The following CCDC157 variants were observed in gnomAD, a reference collection of about 807,000 sequenced individuals.
The protein encoded by CCDC157 is coiled-coil domain-containing protein 157.
CCDC157 carries 60 observed loss-of-function variants against 70.9 expected under a neutral mutation model. The ratio of observed to expected loss-of-function variants is 0.85; its 90% CI spans 0.69 to 1.05. The LOEUF (loss-of-function observed/expected upper bound fraction) is 1.05. CCDC157 is among the 50% of genes least tolerant of loss of function. The probability of loss-of-function intolerance (pLI) is 0.00; values close to 1 mark genes in which losing one functional copy is unlikely to be tolerated. For missense variants in CCDC157, 943 were observed against 984.2 expected, an observed-to-expected ratio of 0.96 and a Z score of 0.56; for synonymous variants, 373 against 422.4, an observed-to-expected ratio of 0.88 and a Z score of 1.43.
chr22:30,359,892 C>T (rs1222325887), intron 1 of CCDC157, among the ~76,000 whole-genome samples: 1 of 152,208 alleles, frequency 6.6e-6, no homozygotes, highest in African/African-American at 2.4e-5. Flanking sequence ...CGCCTATAAT[C>T]CCAGCACTTT....
chr22:30,362,839 G>C (rs1285880981), intron 2 of CCDC157, among the ~76,000 whole-genome samples: 1 of 152,206 alleles, frequency 6.6e-6, no homozygotes, highest in Non-Finnish European at 1.5e-5. Context: ...GGCTAAGCCA[G>C]GTGCACTCAG....
At position 30,373,891 on chromosome 22, in the gene CCDC157, A is replaced by G. The variant is rs1318776464; in HGVS notation, c.1504-32A>G. On this transcript the variant is annotated intron_variant, in intron 8 of 11. Coordinates refer to ENST00000338306, the MANE Select transcript of CCDC157 (RefSeq NM_001017437.5). ...GCGCTGAGTACCATGTAGCTCACTC[A>G]GGAGCCAGGCCTGAGCCTCCGTCTG... 3 of 1,589,062 alleles carry G rather than the reference A, an allele frequency of 1.9e-6. No individual in the cohort carries two copies. In the South Asian group the frequency reaches 3.4e-5, roughly 18 times the overall value.
At position 30,373,975 on chromosome 22, in the gene CCDC157, C is replaced by T. The variant is rs150205621; in HGVS notation, c.1556C>T (p.Thr519Met). 9.1e-5 allele frequency: 147 copies of T among 1,612,954 alleles called. No individual in the cohort carries two copies. The African/African-American group carries it at 1.8e-3, about 20-fold the overall frequency. ...REKQGLEQAT[T>M]DLRLTILELE... ...AAGCAAGGCCTGGAGCAGGCGACTA[C>T]GGACCTGCGGCTAACCATCCTGGAG... The change falls in exon 9 of 12, where the codon ACG (threonine) becomes ATG (methionine). Residue 519 changes from threonine to methionine, a missense_variant. Thr to Met is a moderately conservative substitution (Grantham distance 81, BLOSUM62 -1). Coordinates refer to ENST00000338306, the MANE Select transcript of CCDC157 (RefSeq NM_001017437.5).
At position 30,369,710 on chromosome 22, in the gene CCDC157, T is replaced by G. The variant is rs1039903151; in HGVS notation, c.420+107T>G. 4.4e-6 allele frequency: 4 copies of G among 916,286 alleles called. No individual in the cohort carries two copies. The East Asian group carries it at 9.1e-5, about 21-fold the overall frequency. 56.8% of individuals were successfully genotyped at this position (916,286 alleles called of 1,614,324 possible). A position where few individuals can be genotyped will look rare whatever the true frequency, so the allele number is the denominator to read the frequency against. On this transcript the variant is annotated intron_variant, in intron 4 of 11. Transcript: ENST00000338306. ...TCTGGCTTCCTAGCCTACCACTATG[T>G]GCACCACAGCCTTTACTGGCTCCCA...
In CCDC157 at chr22:30,374,017, A is replaced by C. The variant is rs374241130; in HGVS notation, c.1598A>C (p.Glu533Ala). 3 of 1,610,908 alleles carry C rather than the reference A, an allele frequency of 1.9e-6. No individual in the cohort carries two copies. The highest frequency in any genetic ancestry group is 2.7e-5 in the African/African-American group (2 of 74,842). ...ATCCTGGAGCTAGAACGGGAGCTGG[A>C]GGAGCTGAAGGAGCGGGAGCGGCTG... is the stretch of plus-strand genomic sequence containing the variant. ...LTILELERELEELKERERLLV... is the reference protein window; with the variant it reads ...LTILELERELAELKERERLLV... The change falls in exon 9 of 12, where the codon GAG (glutamate) becomes GCG (alanine). Residue 533 changes from glutamate to alanine, a missense_variant. Glu to Ala is a moderately radical substitution (Grantham distance 107). Coordinates refer to ENST00000338306, the MANE Select transcript of CCDC157 (RefSeq NM_001017437.5).
At chr22:30,358,330 T>C (rs149537338) in intron 1 of CCDC157, among the ~76,000 whole-genome samples, 3 of 152,236 alleles carry the variant, frequency 2.0e-5, no homozygotes, top group Admixed American at 1.3e-4. Context: ...ATGTGTTACG[T>C]CATTTATTCC....
chr22:30,357,732 G>A (rs945687903), intron 1 of CCDC157, among the ~76,000 whole-genome samples: 6 of 150,708 alleles, frequency 4.0e-5, no homozygotes, highest in Non-Finnish European at 8.8e-5. Context: ...GGCCAGGCTG[G>A]TCTGGAACTC....
intron 2 of CCDC157, among the ~76,000 whole-genome samples, chr22:30,362,452 G>T (rs1932412790): frequency 6.6e-6 from 1 of 152,192 alleles, no homozygotes; most frequent in African/African-American, 2.4e-5. Flanking sequence ...TCTAGAAGAA[G>T]TGTGGGGAAG....
At chr22:30,360,011 G>A (rs1283001086) in intron 1 of CCDC157, among the ~76,000 whole-genome samples, 1 of 152,128 alleles carries the variant, frequency 6.6e-6, no homozygotes, top group East Asian at 1.9e-4. Context: ...CAGGTGCGGT[G>A]GCACCCACCT....
intron 2 of CCDC157, among the ~76,000 whole-genome samples, chr22:30,363,720 ACT>A: frequency 7.8e-6 from 1 of 127,654 alleles, no homozygotes; most frequent in East Asian, 2.2e-4. Flanking sequence ...ACAGAGTCTC[ACT>A]CTGTCACCCA....
rs1933455247 is a variant in CCDC157, at chr22:30,378,273, C to T, written c.*1528C>T. On this transcript the variant is annotated 3_prime_UTR_variant, in exon 12 of 12. Coordinates refer to ENST00000338306, the MANE Select transcript of CCDC157 (RefSeq NM_001017437.5). ...ATGTGGTTAGGGCAAGGCTCACACT[C>T]AAATACTTTCCCTATCTTCAGGTCA... 1 of 411,166 alleles carries T rather than the reference C, an allele frequency of 2.4e-6. No individual in the cohort carries two copies. Among genetic ancestry groups the T allele is most frequent in the South Asian group, 1.8e-5 (1 of 57,134 alleles). 25.5% of individuals were successfully genotyped at this position (411,166 alleles called of 1,614,324 possible).
At position 30,370,768 on chromosome 22, in the gene CCDC157, A is replaced by G. The variant is rs138237270; in HGVS notation, c.863A>G (p.Lys288Arg). The change falls in exon 5 of 12, where the codon AAG (lysine) becomes AGG (arginine). Residue 288 changes from lysine (K) to arginine (R), a missense_variant. Transcript: ENST00000338306. ...EQRKDLTRLS[K>R]HVEALRAQLE... ...AGGAAAGACCTGACGCGCCTCAGTA[A>G]GCATGTGGAGGCCCTCAGGGCCCAG... The G allele has an allele frequency of 1.4e-3, 2,242 of 1,613,610 alleles. 10 individuals carry two copies. Among genetic ancestry groups the G allele is most frequent in the South Asian group, 5.5e-3 (498 of 91,086 alleles).
intron 1 of CCDC157, among the ~76,000 whole-genome samples, chr22:30,360,454 G>A (rs1021832388): frequency 5.3e-5 from 8 of 151,088 alleles, no homozygotes; most frequent in African/African-American, 2.0e-4. Flanking sequence ...GCAGTGAGCC[G>A]AGATCACGCC....
At position 30,361,240 on chromosome 22, in the gene CCDC157, T is replaced by G. The variant is rs575681222; in HGVS notation, c.-165-721T>G. Among the ~76,000 whole-genome samples the G allele has an allele frequency of 2.2e-4, 30 of 134,226 alleles. 1 individual carries two copies. In the East Asian group the frequency reaches 5.4e-3, roughly 24 times the overall value. 88.1% of individuals were successfully genotyped at this position (134,226 alleles called of 152,430 possible). On this transcript the variant is annotated intron_variant, in intron 1 of 11. Coordinates refer to ENST00000338306, the MANE Select transcript of CCDC157 (RefSeq NM_001017437.5). ...TCCAGCCTGGGTGACAGAGCAAGACTCTGTCTCAAAAAAAAAAAAAAAAAA... is the reference window on the plus strand; with the variant it reads ...TCCAGCCTGGGTGACAGAGCAAGACGCTGTCTCAAAAAAAAAAAAAAAAAA...
intron 2 of CCDC157, among the ~76,000 whole-genome samples, chr22:30,363,369 T>C (rs1932484863): frequency 2.0e-5 from 3 of 152,310 alleles, no homozygotes; most frequent in East Asian, 1.9e-4. Flanking sequence ...CCGTGGTTAC[T>C]GCTAATAATA....
At chr22:30,362,688 C>G (rs1932430752) in intron 2 of CCDC157, among the ~76,000 whole-genome samples, 1 of 152,136 alleles carries the variant, frequency 6.6e-6, no homozygotes. Context: ...CTGGCAGTGT[C>G]TGGGGAGATG....
intron 1 of CCDC157, among the ~76,000 whole-genome samples, chr22:30,357,595 CCCGAGTTCAA>C (rs1344678188): frequency 6.6e-6 from 1 of 152,102 alleles, no homozygotes; most frequent in East Asian, 1.9e-4. Context: ...ACCTCCGCCT[CCCGAGTTCAA>C]GCGATTCTCC....
intron 1 of CCDC157, among the ~76,000 whole-genome samples, chr22:30,357,452 A>G (rs1931974652): frequency 6.6e-6 from 1 of 152,050 alleles, no homozygotes; most frequent in Non-Finnish European, 1.5e-5. Flanking sequence ...TCCCGCCCTC[A>G]AGCCCCACTG....
upstream of CCDC157, chr22:30,356,716 C>T (rs28627777): frequency 1.4e-6 from 2 of 1,479,956 alleles, no homozygotes; most frequent in Non-Finnish European, 1.8e-6. Flanking sequence ...GGCTGAGGGG[C>T]GGGGGAGAGG....
Sources: allele counts gnomAD v4.1 joint callset (sites outside exome capture counted in the v4.1 genomes callset), GRCh38; gene constraint gnomAD v4.1.1; transcripts MANE v1.5; gene names NCBI Gene and HGNC (gene_info 2026-07-23, HGNC 2026-07-21).